Variants in PARP3 observed in about 807,000 individuals in gnomAD.
PARP3 encodes the protein poly(ADP-ribose) polymerase family member 3.
Under a neutral mutation model 58.2 loss-of-function variants are expected in PARP3, and 46 were observed. That is an observed-to-expected ratio of 0.79 (90% confidence interval 0.62 to 1.01). PARP3 has a LOEUF of 1.01. Among genes scored for constraint, PARP3 ranks in the 50% least tolerant of loss-of-function variants. PARP3 has a pLI of 0.00. For missense variants in PARP3, 663 were observed against 683.9 expected, an observed-to-expected ratio of 0.97 and a Z score of 0.34; for synonymous variants, 252 against 266.4, an observed-to-expected ratio of 0.95 and a Z score of 0.53.
In PARP3 at chr3:51,944,358, G is replaced by T. The variant is rs1357509430; in HGVS notation, c.313-32G>T. The T allele has an allele frequency of 2.5e-6, 4 of 1,612,430 alleles. No homozygotes were observed. Among genetic ancestry groups the T allele is most frequent in the Non-Finnish European group, 2.5e-6 (3 of 1,179,202 alleles). ...ACACACAGGCCAGCAAATGCTGATGGTGGGCATACCCCTGAAGGCTGTCGG... is the reference window on the plus strand; with the variant it reads ...ACACACAGGCCAGCAAATGCTGATGTTGGGCATACCCCTGAAGGCTGTCGG... On this transcript the variant is annotated intron_variant, in intron 3 of 10. Transcript: ENST00000398755. The surrounding 1 kb of genome is among the most constrained non-coding windows in gnomAD (Gnocchi z 4.2).
Position 51,944,119 on chromosome 3 carries a change from C to G in PARP3, c.214C>G (p.Gln72Glu). Reference protein sequence around the residue: ...VYEDYNCTLNQTNIENNNNKF... With the variant: ...VYEDYNCTLNETNIENNNNKF... ...TGAGGACTACAACTGCACCCTGAAC[C>G]AGACCAACATCGAGAACAACAACAA... The change falls in exon 3 of 11, where the codon CAG becomes GAG. Residue 72 changes from glutamine to glutamate, a missense_variant. Physicochemically the swap from Gln to Glu is conservative, Grantham distance 29. This residue lies in a region of PARP3 where 567 missense variants were observed against 553.6 expected (regional missense o/e 1.02). Coordinates refer to ENST00000398755, the MANE Select transcript of PARP3 (RefSeq NM_001003931.4). The surrounding 1 kb of genome is among the most constrained non-coding windows in gnomAD (Gnocchi z 4.2). 6.2e-7 allele frequency: 1 copy of G among 1,614,000 alleles called. No individual in the cohort carries two copies. The highest frequency in any genetic ancestry group is 8.5e-7 in the Non-Finnish European group (1 of 1,179,966).
intron 2 of PARP3, 128 bp downstream of exon 2, chr3:51,943,666 C>T (rs1474537743): frequency 5.9e-6 from 5 of 849,786 alleles, no homozygotes; most frequent in Non-Finnish European, 9.2e-6. Flanking sequence ...CAGAGCAAGG[C>T]CATGTTCTCC....
chr3:51,945,456 T>C, intron 6 of PARP3, 39 bp from the exon 7 acceptor site: 1 of 1,601,724 alleles, frequency 6.2e-7, no homozygotes, highest in South Asian at 1.1e-5. Context: ...AGGCCAGAGG[T>C]CAAGTGGGAA....
At chr3:51,945,296 C>T (rs1357515556) in intron 6 of PARP3, 72 bp downstream of exon 6, 5 of 1,499,312 alleles carry the variant, frequency 3.3e-6, no homozygotes, top group East Asian at 2.3e-5. Context: ...AGATGAAGGG[C>T]AGGTGGCCAA....
intron 10 of PARP3, 144 bp downstream of exon 10, chr3:51,948,039 G>C (rs1162082946): frequency 4.7e-6 from 4 of 845,196 alleles, no homozygotes; most frequent in Admixed American, 2.5e-5. Flanking sequence ...AACATCCACT[G>C]GTTCAACACA....
Position 51,944,839 on chromosome 3 carries a change from C to G in PARP3, c.563C>G (p.Ala188Gly). Reference sequence around the variant, plus strand: ...GTGCAGCCCTGCTCCCTGGACCCAGCCACGCAGAAGCTCATCACTAACATC... The same window carrying G: ...GTGCAGCCCTGCTCCCTGGACCCAGGCACGCAGAAGCTCATCACTAACATC... ...KRVQPCSLDP[A>G]TQKLITNIFS... Residue 188 changes from alanine to glycine, a missense_variant, in exon 5 of 11, where the codon GCC becomes GGC. Ala to Gly is a moderately conservative substitution (Grantham distance 60). Transcript: ENST00000398755. The surrounding 1 kb of genome is among the most constrained non-coding windows in gnomAD (Gnocchi z 4.2). 3.1e-6 allele frequency: 5 copies of G among 1,613,912 alleles called. No individual in the cohort carries two copies. Among genetic ancestry groups the G allele is most frequent in the Non-Finnish European group, 4.2e-6 (5 of 1,179,996 alleles).
intron 10 of PARP3, 44 bp from the exon 11 acceptor site, chr3:51,948,267 A>G: frequency 6.3e-7 from 1 of 1,575,640 alleles, no homozygotes; most frequent in Non-Finnish European, 8.6e-7. Flanking sequence ...AAGGCCTGGG[A>G]CCAGTGACCC....
intron 9 of PARP3, 63 bp from the exon 10 acceptor site, chr3:51,947,677 G>A: frequency 6.3e-7 from 1 of 1,586,688 alleles, no homozygotes; most frequent in South Asian, 1.1e-5. Flanking sequence ...CAGCAGAGAG[G>A]GGCCCCACAG....
At position 51,944,502 on chromosome 3, in the gene PARP3, A is replaced by G. The variant is rs760822264; in HGVS notation, c.425A>G (p.His142Arg). ...KTKNNWAERD[H>R]FVSHPGKYTL... is the part of the protein sequence containing the mutation. ...AAGAACAACTGGGCAGAGCGGGACCACTTTGTGTCTCACCCGGGCAAGTAC... is the reference window on the plus strand; with the variant it reads ...AAGAACAACTGGGCAGAGCGGGACCGCTTTGTGTCTCACCCGGGCAAGTAC... Residue 142 changes from histidine (H) to arginine (R), a missense_variant, in exon 4 of 11, where the codon CAC (histidine) becomes CGC (arginine). By Grantham distance (29) the His-to-Arg change is conservative. Transcript: ENST00000398755. This position sits in a 1 kb window ranked among gnomAD's most constrained non-coding sequence, Gnocchi z 4.2. The G allele has an allele frequency of 6.2e-7, 1 of 1,614,206 alleles. No homozygotes were observed. The highest frequency in any genetic ancestry group is 8.5e-7 in the Non-Finnish European group (1 of 1,180,048).
In PARP3 at chr3:51,944,672, C is replaced by T. The variant is rs1055176284; in HGVS notation, c.501+94C>T. On this transcript the variant is annotated intron_variant, in intron 4 of 10. Transcript: ENST00000398755. The surrounding 1 kb of genome is among the most constrained non-coding windows in gnomAD (Gnocchi z 4.2). ...GTTGGGCTCTGCCACTGCCCAGCTG[C>T]GCAGCCTCAGCCACAGAACTCCCCT... 1.3e-5 allele frequency: 20 copies of T among 1,574,134 alleles called. No individual in the cohort carries two copies. Among genetic ancestry groups the T allele is most frequent in the Non-Finnish European group, 1.6e-5 (18 of 1,155,974 alleles).
At chr3:51,943,754 T>G (rs2106688797) in intron 2 of PARP3, among the ~76,000 whole-genome samples, 1 of 152,060 alleles carries the variant, frequency 6.6e-6, no homozygotes. Context: ...GCAGGCCTCC[T>G]CCCACCGCAC....
At chr3:51,948,237 AG>A (rs1699726152) in intron 10 of PARP3, 73 bp from the exon 11 acceptor site, 5 of 1,415,578 alleles carry the variant, frequency 3.5e-6, no homozygotes, top group Non-Finnish European at 4.8e-6. Context: ...TGGAGAGCAT[AG>A]GGGGCAGGAC....
chr3:51,946,078 G>GCCTTGGTC lies in PARP3; in HGVS notation c.1099-88_1099-87insCCTTGGTC. The GCCTTGGTC allele has an allele frequency of 7.3e-7, 1 of 1,373,694 alleles. No individual in the cohort carries two copies. The highest frequency in any genetic ancestry group is 1.0e-6 in the Non-Finnish European group (1 of 978,274). 85.1% of individuals were successfully genotyped at this position (1,373,694 alleles called of 1,614,324 possible). ...ATGAGTGCGCGTGAGTAAGCAGAGG[G>GCCTTGGTC]ACACTAGGCCTTGGTCACAAGCAGC... On this transcript the variant is annotated intron_variant, in intron 8 of 10. Transcript: ENST00000398755. This position sits in a 1 kb window ranked among gnomAD's most constrained non-coding sequence, Gnocchi z 4.6.
intron 1 of PARP3, 54 bp from the exon 2 acceptor site, chr3:51,943,300 G>C (rs749363259): frequency 1.4e-6 from 2 of 1,474,288 alleles, no homozygotes. Context: ...AGAGTGGGTC[G>C]TTGGGGATGA....
Position 51,944,286 on chromosome 3 carries a change from G to C in PARP3, c.312+69G>C. ...AAAGGCCACAGCTACTGACTTGGGGGGGCACCTCCCAACTGTCCCAGGGCA... is the reference window on the plus strand; with the variant it reads ...AAAGGCCACAGCTACTGACTTGGGGCGGCACCTCCCAACTGTCCCAGGGCA... On this transcript the variant is annotated intron_variant, in intron 3 of 10. Coordinates refer to ENST00000398755, the MANE Select transcript of PARP3 (RefSeq NM_001003931.4). This position sits in a 1 kb window ranked among gnomAD's most constrained non-coding sequence, Gnocchi z 4.2. 1 of 1,608,396 alleles carries C rather than the reference G, an allele frequency of 6.2e-7. No individual in the cohort carries two copies. Among genetic ancestry groups the C allele is most frequent in the Non-Finnish European group, 8.5e-7 (1 of 1,176,552 alleles).
At chr3:51,943,273 G>A in intron 1 of PARP3, 81 bp from the exon 2 acceptor site, 1 of 1,374,090 alleles carries the variant, frequency 7.3e-7, no homozygotes, top group Non-Finnish European at 9.8e-7. Context: ...GCTGGCCCAG[G>A]GCAGGGGTGG....
chr3:51,942,811 C>T, intron 1 of PARP3, 103 bp downstream of exon 1: 2 of 1,495,626 alleles, frequency 1.3e-6, no homozygotes, highest in Non-Finnish European at 1.8e-6. Context: ...AGTTCTGGCT[C>T]CTCAGAACTC....
In PARP3 at chr3:51,945,069, C is replaced by T. The variant is rs774027071; in HGVS notation, c.706C>T (p.Leu236=). 1.9e-6 allele frequency: 3 copies of T among 1,614,074 alleles called. No individual in the cohort carries two copies. The highest frequency in any genetic ancestry group is 2.5e-6 in the Non-Finnish European group (3 of 1,180,050). ...ACGGGGTTTCGAGGCCTTGGAGGCG[C>T]TGGAGGAGGCCCTGAAAGGCCCCAC... is the stretch of plus-strand genomic sequence containing the variant. ...IARGFEALEA[L]EEALKGPTDG... Residue 236 remains leucine, a synonymous_variant, in exon 6 of 11, where the codon CTG becomes TTG. Transcript: ENST00000398755.
In PARP3 at chr3:51,946,007, G is replaced by T. The variant is rs1699668613; in HGVS notation, c.1098+68G>T. ...TTAGGAAGATGTCCTTGGCTAATCG[G>T]TCCCTTAGCAAATCGTTTAGCAGCT... On this transcript the variant is annotated intron_variant, in intron 8 of 10. Coordinates refer to ENST00000398755, the MANE Select transcript of PARP3 (RefSeq NM_001003931.4). The surrounding 1 kb of genome is among the most constrained non-coding windows in gnomAD (Gnocchi z 4.6). 2 of 1,457,780 alleles carry T rather than the reference G, an allele frequency of 1.4e-6. No homozygotes were observed. Among genetic ancestry groups the T allele is most frequent in the Admixed American group, 1.7e-5 (1 of 58,182 alleles). The allele number at this position is 1,457,780 out of a possible 1,614,324, so 90.3% of individuals were successfully genotyped here.
Sources: allele counts gnomAD v4.1 joint callset (sites outside exome capture counted in the v4.1 genomes callset), GRCh38; gene constraint gnomAD v4.1.1; regional missense constraint gnomAD v4.1.1; non-coding constraint Gnocchi (gnomAD v3.1); transcripts MANE v1.5; gene names NCBI Gene and HGNC (gene_info 2026-07-23, HGNC 2026-07-21).